The following ARPC5L variants were observed in gnomAD, a reference collection of about 807,000 sequenced individuals.
ARPC5L encodes actin related protein 2/3 complex subunit 5 like, also known as actin-related protein 2/3 complex subunit 5-like protein.
A neutral mutation model predicts 16.9 loss-of-function variants in ARPC5L; 4 were observed. That is an observed-to-expected ratio of 0.24 (90% CI 0.12 to 0.54). ARPC5L has a LOEUF of 0.54. ARPC5L is among the 20% of genes least tolerant of loss of function. The pLI, the probability that ARPC5L is intolerant of heterozygous loss-of-function variation, is 0.95. For missense variants in ARPC5L, 151 were observed against 201.9 expected (o/e 0.75, Z 1.53); for synonymous variants, 78 against 82.6 (o/e 0.94, Z 0.30).
intron 5 of ARPC5L, 40 bp downstream of exon 5, chr9:124,875,191 C>A: frequency 6.3e-7 from 1 of 1,597,040 alleles, no homozygotes; most frequent in Non-Finnish European, 8.5e-7. Context: ...AGCCACCTGG[C>A]TTGCCTTGGG....
intron 4 of ARPC5L, 41 bp from the exon 5 acceptor site, chr9:124,874,934 C>G (rs1220584582): frequency 6.2e-7 from 1 of 1,611,574 alleles, no homozygotes; most frequent in African/African-American, 1.3e-5. Flanking sequence ...ATGGCGGTGC[C>G]TTCGCAGCTC....
rs1250441082 is a variant in ARPC5L at position 124,877,674 on chromosome 9, GTAAT to G, written c.*740_*743del. Reference sequence around the variant, plus strand: ...TGTTTCTTATTCCTTTGATTTGTATGTAATTAATTTTGGAGCTTATTTAATTAAT... The same window carrying G: ...TGTTTCTTATTCCTTTGATTTGTATGTAATTTTGGAGCTTATTTAATTAAT... On this transcript the variant is annotated 3_prime_UTR_variant, in exon 6 of 6. Coordinates refer to ENST00000353214, the MANE Select transcript of ARPC5L (RefSeq NM_030978.3). 6.6e-6 allele frequency: 1 copy of G among 152,084 alleles called. No individual in the cohort carries two copies. Among genetic ancestry groups the G allele is most frequent in the Non-Finnish European group, 1.5e-5 (1 of 68,044 alleles). 9.4% of individuals were successfully genotyped at this position (152,084 alleles called of 1,614,324 possible).
chr9:124,863,110 G>A (rs930148047), intron 1 of ARPC5L, among the ~76,000 whole-genome samples: 7 of 151,946 alleles, frequency 4.6e-5, no homozygotes. Flanking sequence ...GATTACAGGG[G>A]TTAGCCACCT....
Position 124,869,066 on chromosome 9 carries a change from A to G in ARPC5L, c.-225A>G. ...GTGGGGGAGGCTGCGGTGATCCCAT[A>G]CCGCACTCCAGGTGCCAGGCTCCGC... On this transcript the variant is annotated 5_prime_UTR_variant, in exon 3 of 6. The change creates a new upstream start codon in the 5' untranslated region. Coordinates refer to ENST00000353214, the MANE Select transcript of ARPC5L (RefSeq NM_030978.3). The G allele has an allele frequency of 2.4e-6, 1 of 417,446 alleles. No homozygotes were observed. Among genetic ancestry groups the G allele is most frequent in the Non-Finnish European group, 4.1e-6 (1 of 243,442 alleles). 25.9% of individuals were successfully genotyped at this position (417,446 alleles called of 1,614,324 possible).
At chr9:124,873,590 A>G (rs1588044652) in intron 3 of ARPC5L, 102 bp from the exon 4 acceptor site, 2 of 1,329,248 alleles carry the variant, frequency 1.5e-6, no homozygotes, top group East Asian at 4.6e-5. Context: ...GGTATGGATG[A>G]GATCCCATCT....
chr9:124,869,408 G>T lies in ARPC5L; in HGVS notation c.118G>T (p.Asp40Tyr). 1 of 1,502,084 alleles carries T rather than the reference G, an allele frequency of 6.7e-7. No individual in the cohort carries two copies. Among genetic ancestry groups the T allele is most frequent in the East Asian group, 2.9e-5 (1 of 34,410 alleles). The allele number at this position is 1,502,084 out of a possible 1,614,324, so 93.0% of individuals were successfully genotyped here. A position where few individuals can be genotyped will look rare whatever the true frequency, so the allele number is the denominator to read the frequency against. ...AAAAAAEPGP[D>Y]PSEVDGLLRQ... ...GGCGGCGGCGGCGGAGCCAGGCCCGGACCCGAGCGAGGTGGACGGGCTCCT... is the reference window on the plus strand; with the variant it reads ...GGCGGCGGCGGCGGAGCCAGGCCCGTACCCGAGCGAGGTGGACGGGCTCCT... Residue 40 changes from aspartate (D) to tyrosine (Y), a missense_variant, in exon 3 of 6, where the codon GAC (aspartate) becomes TAC (tyrosine). By Grantham distance (160) the Asp-to-Tyr change is radical (BLOSUM62 -3). Coordinates refer to ENST00000353214, the MANE Select transcript of ARPC5L (RefSeq NM_030978.3).
intron 5 of ARPC5L, among the ~76,000 whole-genome samples, chr9:124,875,996 T>C (rs936570633): frequency 5.3e-5 from 8 of 152,062 alleles, no homozygotes; most frequent in African/African-American, 1.7e-4. Context: ...AAACAAGTCC[T>C]CTGTATGATG....
chr9:124,867,755 T>C (rs1829292498), intron 2 of ARPC5L, among the ~76,000 whole-genome samples: 2 of 152,118 alleles, frequency 1.3e-5, no homozygotes, highest in South Asian at 2.1e-4. Context: ...TGGAACTGTA[T>C]TGCAGGTGGG....
rs763936955 is a variant in ARPC5L, at chr9:124,876,972, AG to A, written c.*33del. On this transcript the variant is annotated 3_prime_UTR_variant, in exon 6 of 6. Coordinates refer to ENST00000353214, the MANE Select transcript of ARPC5L (RefSeq NM_030978.3). ...TAAAAAGACTCATGTTACCTTGAGA[AG>A]AATTCTGGATGCCCAGGCTGGTGAA... 17 of 1,569,458 alleles carry A rather than the reference AG, an allele frequency of 1.1e-5. No homozygotes were observed. Among genetic ancestry groups the A allele is most frequent in the Non-Finnish European group, 1.3e-5 (15 of 1,149,512 alleles).
intron 2 of ARPC5L, among the ~76,000 whole-genome samples, chr9:124,867,182 C>A (rs1829281439): frequency 6.6e-6 from 1 of 150,686 alleles, no homozygotes; most frequent in Admixed American, 6.6e-5. Context: ...CACTCCATCG[C>A]CCAGGCTGGA....
In ARPC5L at chr9:124,871,058, G is replaced by A. The variant is rs376088493; in HGVS notation, c.149+1619G>A. Reference sequence around the variant, plus strand: ...CTGGCAAATACGGGGCCCAGGTGGAGGAGAATGGAACTGATATTTATTGAG... The same window carrying A: ...CTGGCAAATACGGGGCCCAGGTGGAAGAGAATGGAACTGATATTTATTGAG... On this transcript the variant is annotated intron_variant, in intron 3 of 5. Transcript: ENST00000353214. Among the ~76,000 whole-genome samples the A allele has an allele frequency of 2.6e-5, 4 of 152,222 alleles. No individual in the cohort carries two copies. The South Asian group carries it at 6.2e-4, about 24-fold the overall frequency.
intron 2 of ARPC5L, among the ~76,000 whole-genome samples, chr9:124,865,139 C>T (rs1473640313): frequency 6.6e-6 from 1 of 151,934 alleles, no homozygotes; most frequent in Non-Finnish European, 1.5e-5. Context: ...GCCGGCATAG[C>T]TTAGTCTTAA....
chr9:124,874,624 G>C (rs1280285418), intron 4 of ARPC5L, among the ~76,000 whole-genome samples: 1 of 152,180 alleles, frequency 6.6e-6, no homozygotes, highest in Non-Finnish European at 1.5e-5. Flanking sequence ...AGAGGCTGCA[G>C]TGAGCTGAGA....
intron 3 of ARPC5L, among the ~76,000 whole-genome samples, chr9:124,870,619 G>A (rs527453933): frequency 1.1e-4 from 17 of 152,294 alleles, no homozygotes; most frequent in African/African-American, 3.8e-4. Flanking sequence ...TGTAATTCCT[G>A]CCCCATCAGG....
chr9:124,866,742 C>T (rs896832960), intron 2 of ARPC5L, among the ~76,000 whole-genome samples: 1 of 152,034 alleles, frequency 6.6e-6, no homozygotes, highest in Non-Finnish European at 1.5e-5. Context: ...AAAAATTTAC[C>T]CAGCTTGTTC....
intron 3 of ARPC5L, chr9:124,873,352 C>T (rs1332992119): frequency 1.5e-5 from 4 of 275,336 alleles, no homozygotes; most frequent in East Asian, 1.6e-4. Context: ...TTCACATGTA[C>T]GGGTGCTGTG....
intron 2 of ARPC5L, among the ~76,000 whole-genome samples, chr9:124,864,811 CTT>C (rs953093647): frequency 7.0e-6 from 1 of 143,274 alleles, no homozygotes; most frequent in Non-Finnish European, 1.5e-5. Flanking sequence ...GCGCCTGGAC[CTT>C]TTTTTTTTTT....
At chr9:124,867,808 C>CTTTTTTTTTTT (rs57343594) in intron 2 of ARPC5L, among the ~76,000 whole-genome samples, 1 of 98,786 alleles carries the variant, frequency 1.0e-5, no homozygotes, top group Non-Finnish European at 2.2e-5. Flanking sequence ...CTTTTCTTTT[C>CTTTTTTTTTTT]TTTTTTTTTT....
intron 4 of ARPC5L, among the ~76,000 whole-genome samples, chr9:124,874,310 G>C (rs544231666): frequency 1.1e-3 from 168 of 152,324 alleles, no homozygotes; most frequent in African/African-American, 3.8e-3. Context: ...GTGAACACAA[G>C]AGGGACGCTG....
Sources: gnomAD v4.1 joint callset for allele counts (sites outside exome capture counted in the v4.1 genomes callset) on GRCh38, gnomAD v4.1.1 for gene constraint, MANE v1.5 for transcripts, NCBI Gene and HGNC (gene_info 2026-07-23, HGNC 2026-07-21) for gene names.